The following SLC29A3 variants were observed in gnomAD, a reference collection of about 807,000 sequenced individuals.
The protein encoded by SLC29A3 is equilibrative nucleoside transporter 3.
SLC29A3 carries 18 observed loss-of-function variants against 25.4 expected under a neutral mutation model. The observed-to-expected ratio is 0.71, with a 90% CI of 0.49 to 1.05. The LOEUF (loss-of-function observed/expected upper bound fraction) is 1.05, where lower values mean the gene tolerates loss of function less well. SLC29A3 is among the 50% of genes least tolerant of loss of function. SLC29A3 has a pLI of 0.00. For missense variants in SLC29A3, 586 were observed against 609.0 expected, an observed-to-expected ratio of 0.96 and a Z score of 0.40; for synonymous variants, 258 against 267.1, an observed-to-expected ratio of 0.97 and a Z score of 0.33.
At chr10:71,344,470 CCAGGGAG>C (rs1418089249) in intron 3 of SLC29A3, among the ~76,000 whole-genome samples, 179 bp downstream of exon 3, 17 of 152,200 alleles carry the variant, frequency 1.1e-4, no homozygotes, top group Non-Finnish European at 2.1e-4. Flanking sequence ...GGTGATGCCC[CCAGGGAG>C]CTGGGCTGTC....
At chr10:71,335,409 G>T (rs1846222276) in intron 2 of SLC29A3, among the ~76,000 whole-genome samples, 1 of 152,250 alleles carries the variant, frequency 6.6e-6, no homozygotes, top group African/African-American at 2.4e-5. Flanking sequence ...AGGTGCAGGA[G>T]GGGCCTGGAA....
chr10:71,376,641 T>G (rs1167780853), intron 4 of SLC29A3, among the ~76,000 whole-genome samples: 1 of 152,194 alleles, frequency 6.6e-6, no homozygotes, highest in Non-Finnish European at 1.5e-5. Flanking sequence ...AAAATATGAC[T>G]AGCTATAGAG....
chr10:71,357,772 A>C (rs977939145), intron 5 of SLC29A3, among the ~76,000 whole-genome samples: 21 of 152,162 alleles, frequency 1.4e-4, no homozygotes, highest in Admixed American at 5.2e-4. Context: ...TATAAAAACA[A>C]CGCTTGTCTT....
rs10532475 is a variant in SLC29A3 at position 71,360,134 on chromosome 10, CTTTTTTTTTTTTTTT to C, written c.774-1807_774-1793del. ...TGCTCCAGGAACCTGTCTTCTTCTT[CTTTTTTTTTTTTTTT>C]TTTTTTTTTTTTGAGACGGAATCTT... On this transcript the variant is annotated intron_variant, in intron 5 of 5. Transcript: ENST00000373189. Among the ~76,000 whole-genome samples the C allele has an allele frequency of 8.4e-5, 6 of 71,498 alleles. No individual in the cohort carries two copies. The South Asian group carries it at 2.5e-3, about 30-fold the overall frequency. The allele number at this position is 71,498 out of a possible 152,430, so 46.9% of individuals were successfully genotyped here. A position where few individuals can be genotyped will look rare whatever the true frequency, so the allele number is the denominator to read the frequency against.
Position 71,356,556 on chromosome 10 carries a change from G to A in SLC29A3, c.773+313G>A, listed in dbSNP as rs138447371. On this transcript the variant is annotated intron_variant, in intron 5 of 5. Coordinates refer to ENST00000373189, the MANE Select transcript of SLC29A3 (RefSeq NM_018344.6). Reference sequence around the variant, plus strand: ...ATGCTCACACCTCTATCCAGGCACCGTGGAGCACACCTGTAATCCCAGCAC... The same window carrying A: ...ATGCTCACACCTCTATCCAGGCACCATGGAGCACACCTGTAATCCCAGCAC... Among the ~76,000 whole-genome samples, 79 of 152,330 alleles carry A rather than the reference G, an allele frequency of 5.2e-4. 1 individual carries two copies. The highest frequency in any genetic ancestry group is 1.9e-3 in the African/African-American group (77 of 41,572).
chr10:71,362,857 G>C lies in SLC29A3; in HGVS notation c.*249G>C. 1.5e-6 allele frequency: 1 copy of C among 671,278 alleles called. No individual in the cohort carries two copies. The highest frequency in any genetic ancestry group is 2.7e-6 in the Non-Finnish European group (1 of 367,300). The allele number at this position is 671,278 out of a possible 1,614,324, so 41.6% of individuals were successfully genotyped here. ...GAAGAAGAAATAGCACAAATCAGGG[G>C]TACTCCCTTCACAGCTGATGGTTAA... is the stretch of plus-strand genomic sequence containing the variant. On this transcript the variant is annotated 3_prime_UTR_variant, in exon 6 of 6. Transcript: ENST00000373189.
chr10:71,373,263 C>G (rs1847225250), intron 3 of SLC29A3, among the ~76,000 whole-genome samples: 1 of 152,192 alleles, frequency 6.6e-6, no homozygotes, highest in African/African-American at 2.4e-5. Flanking sequence ...AGAACTCTGG[C>G]CTTGTCTTTC....
chr10:71,341,540 G>T (rs1371994442), intron 2 of SLC29A3, among the ~76,000 whole-genome samples: 1 of 152,126 alleles, frequency 6.6e-6, no homozygotes, highest in Non-Finnish European at 1.5e-5. Context: ...TTTCTTCAAG[G>T]AACTGAATTT....
chr10:71,357,134 G>A (rs903185661), intron 5 of SLC29A3, among the ~76,000 whole-genome samples: 1 of 151,632 alleles, frequency 6.6e-6, no homozygotes, highest in Non-Finnish European at 1.5e-5. Context: ...GTTTTTGTAG[G>A]CCAGGCACGG....
In SLC29A3 at chr10:71,344,360, T is replaced by C. The variant is rs1846506573; in HGVS notation, c.383+69T>C. 4.1e-6 allele frequency: 5 copies of C among 1,229,488 alleles called. No homozygotes were observed. In the Admixed American group the frequency reaches 5.1e-5, roughly 13 times the overall value. 76.2% of individuals were successfully genotyped at this position (1,229,488 alleles called of 1,614,324 possible). A position where few individuals can be genotyped will look rare whatever the true frequency, so the allele number is the denominator to read the frequency against. ...CTGCCTCCTCTACTCCCCTCTTGCC[T>C]GCAGCTGCTTTTTTTCTGCCTACTT... On this transcript the variant is annotated intron_variant, in intron 3 of 5. Coordinates refer to ENST00000373189, the MANE Select transcript of SLC29A3 (RefSeq NM_018344.6).
intron 2 of SLC29A3, among the ~76,000 whole-genome samples, chr10:71,339,956 C>T (rs1490091660): frequency 1.3e-5 from 2 of 152,190 alleles, no homozygotes; most frequent in Middle Eastern, 3.2e-3. Flanking sequence ...TTGTATCCAC[C>T]CAGCCACCAG....
chr10:71,351,581 G>A lies in SLC29A3; in HGVS notation c.403G>A (p.Val135Ile). Residue 135 changes from valine (V) to isoleucine (I), a missense_variant, in exon 4 of 6, where the codon GTC becomes ATC. By Grantham distance (29) the Val-to-Ile change is conservative. Coordinates refer to ENST00000373189, the MANE Select transcript of SLC29A3 (RefSeq NM_018344.6). ...CCCCAGGGTTGCAGTCCACATCCGT[G>A]TCCTGGCCTCACTGACGGTCATCCT... ...LVNRVAVHIR[V>I]LASLTVILAI... The A allele has an allele frequency of 6.2e-7, 1 of 1,614,272 alleles. No individual in the cohort carries two copies. Among genetic ancestry groups the A allele is most frequent in the Non-Finnish European group, 8.5e-7 (1 of 1,180,054 alleles).
chr10:71,377,630 C>T (rs1390623739), intron 4 of SLC29A3, among the ~76,000 whole-genome samples: 1 of 152,188 alleles, frequency 6.6e-6, no homozygotes, highest in African/African-American at 2.4e-5. Flanking sequence ...GCAAGAAAGC[C>T]CTAGAGAGAG....
intron 1 of SLC29A3, among the ~76,000 whole-genome samples, chr10:71,322,387 A>G (rs559903677): frequency 1.3e-5 from 2 of 152,356 alleles, no homozygotes; most frequent in South Asian, 4.1e-4. Flanking sequence ...ATGGCTGCAC[A>G]GAACTGTGAA....
chr10:71,358,057 G>A (rs993121016), intron 5 of SLC29A3, among the ~76,000 whole-genome samples: 4 of 152,278 alleles, frequency 2.6e-5, no homozygotes, highest in South Asian at 2.1e-4. Context: ...AGCTGTGATC[G>A]TATTTTCTCA....
chr10:71,335,973 G>A (rs1036032074), intron 2 of SLC29A3, among the ~76,000 whole-genome samples: 6 of 152,144 alleles, frequency 3.9e-5, no homozygotes, highest in East Asian at 1.9e-4. Context: ...AGGTGGGGGC[G>A]GGTGTGTCCT....
chr10:71,373,362 T>C (rs1208504725), intron 3 of SLC29A3, among the ~76,000 whole-genome samples: 1 of 152,232 alleles, frequency 6.6e-6, no homozygotes, highest in Non-Finnish European at 1.5e-5. Flanking sequence ...GTGCTGGCCC[T>C]GGCCTGTTGT....
intron 2 of SLC29A3, among the ~76,000 whole-genome samples, chr10:71,328,360 G>C (rs1412068563): frequency 6.6e-6 from 1 of 152,296 alleles, no homozygotes; most frequent in Non-Finnish European, 1.5e-5. Flanking sequence ...CTCCATGCCT[G>C]GGTCTTCAGA....
rs541938187 is a variant in SLC29A3 at position 71,362,861 on chromosome 10, T to C, written c.*253T>C. On this transcript the variant is annotated 3_prime_UTR_variant, in exon 6 of 6. Coordinates refer to ENST00000373189, the MANE Select transcript of SLC29A3 (RefSeq NM_018344.6). Reference sequence around the variant, plus strand: ...AAGAAATAGCACAAATCAGGGGTACTCCCTTCACAGCTGATGGTTAACATT... The same window carrying C: ...AAGAAATAGCACAAATCAGGGGTACCCCCTTCACAGCTGATGGTTAACATT... 1.5e-6 allele frequency: 1 copy of C among 665,518 alleles called. No individual in the cohort carries two copies. The highest frequency in any genetic ancestry group is 1.8e-5 in the African/African-American group (1 of 56,514). 41.2% of individuals were successfully genotyped at this position (665,518 alleles called of 1,614,324 possible).
Sources: allele counts gnomAD v4.1 joint callset (sites outside exome capture counted in the v4.1 genomes callset), GRCh38; gene constraint gnomAD v4.1.1; transcripts MANE v1.5; gene names NCBI Gene and HGNC (gene_info 2026-07-23, HGNC 2026-07-21).